Variants in NTM observed in about 807,000 individuals in gnomAD.
The protein encoded by NTM is neurotrimin.
NTM carries 13 observed loss-of-function variants against 42.1 expected under a neutral mutation model. The ratio of observed to expected loss-of-function variants is 0.31; its 90% CI spans 0.20 to 0.49. The LOEUF (loss-of-function observed/expected upper bound fraction) is 0.49. Among genes scored for constraint, NTM ranks in the 20% least tolerant of loss-of-function variants. NTM has a pLI of 0.99. For synonymous variants in NTM, 187 were observed against 179.2 expected, an observed-to-expected ratio of 1.04 and a Z score of -0.35; for missense variants, 373 against 452.8, an observed-to-expected ratio of 0.82 and a Z score of 1.60.
chr11:131,910,047 C>A (rs2054467610), intron 1 of NTM: 1 of 152,204 alleles, frequency 6.6e-6, no homozygotes, highest in Non-Finnish European at 1.5e-5. Flanking sequence ...GTTTCGCACA[C>A]TAAGAGGCTT....
At chr11:131,959,284 G>A (rs916252156) in intron 2 of NTM, among the ~76,000 whole-genome samples, 7 of 152,144 alleles carry the variant, frequency 4.6e-5, no homozygotes, top group Admixed American at 2.0e-4. Flanking sequence ...GTGCCATGGA[G>A]GGAGACACCA....
chr11:132,189,641 TACACACAC>T lies in NTM; in HGVS notation c.401-22361_401-22354del, dbSNP rs35740557. Among the ~76,000 whole-genome samples, 18 of 149,212 alleles carry T rather than the reference TACACACAC, an allele frequency of 1.2e-4. 1 individual carries two copies. The East Asian group carries it at 2.2e-3, about 18-fold the overall frequency. ...GCCTTGCCCACTGATTCACGGCAGA[TACACACAC>T]ACACACACACACACACACAGACACA... On this transcript the variant is annotated intron_variant, in intron 3 of 8. Coordinates refer to ENST00000683400, the MANE Select transcript of NTM (RefSeq NM_001352005.2).
intron 1 of NTM, among the ~76,000 whole-genome samples, chr11:131,656,707 C>G (rs556727105): frequency 6.6e-6 from 1 of 152,224 alleles, no homozygotes; most frequent in South Asian, 2.1e-4. Flanking sequence ...CCTCGTTCTG[C>G]CCCTGCGCGC....
At chr11:131,470,833 G>A (rs1430337431) in intron 1 of NTM, among the ~76,000 whole-genome samples, 1 of 152,156 alleles carries the variant, frequency 6.6e-6, no homozygotes, top group Admixed American at 6.5e-5. Flanking sequence ...CCAGCTTCTG[G>A]GAGCTTTTGT....
chr11:131,795,016 T>G, intron 1 of NTM: 1 of 984,898 alleles, frequency 1.0e-6, no homozygotes, highest in South Asian at 4.7e-5. Flanking sequence ...TCAGCCGTGC[T>G]CCTTCCTGGA....
chr11:132,187,485 C>T (rs1437569510), intron 3 of NTM, among the ~76,000 whole-genome samples: 1 of 152,114 alleles, frequency 6.6e-6, no homozygotes, highest in Non-Finnish European at 1.5e-5. Flanking sequence ...GCTCTAATAG[C>T]CCCAGATTAA....
chr11:132,047,717 T>G (rs1376310105), intron 2 of NTM, among the ~76,000 whole-genome samples: 1 of 152,238 alleles, frequency 6.6e-6, no homozygotes, highest in Non-Finnish European at 1.5e-5. Context: ...TCCACAGGCC[T>G]CCTTCCTCTT....
chr11:131,987,396 ATTCTATTC>A (rs1259298599), intron 2 of NTM, among the ~76,000 whole-genome samples: 2 of 151,086 alleles, frequency 1.3e-5, no homozygotes, highest in Non-Finnish European at 3.0e-5. Flanking sequence ...ATTCTATTCT[ATTCTATTC>A]TATTCTATTC....
At chr11:131,432,836 ATTCT>A (rs1948760777) in intron 1 of NTM, among the ~76,000 whole-genome samples, 2 of 87,390 alleles carry the variant, frequency 2.3e-5, no homozygotes, top group African/African-American at 9.1e-5. Flanking sequence ...AAGATTTAGC[ATTCT>A]TTTTTTTTTT....
At chr11:131,388,950 T>G (rs1276154767) in intron 1 of NTM, among the ~76,000 whole-genome samples, 1 of 142,626 alleles carries the variant, frequency 7.0e-6, no homozygotes, top group African/African-American at 2.6e-5. Context: ...AGGCAGAGGT[T>G]GCAGTGAGAC....
intron 2 of NTM, among the ~76,000 whole-genome samples, chr11:132,129,744 T>A (rs534363695): frequency 3.9e-5 from 6 of 152,252 alleles, no homozygotes; most frequent in Admixed American, 1.3e-4. Context: ...AAAATGGGGC[T>A]CCTAGGACTG....
chr11:131,676,132 G>T (rs903639320), intron 1 of NTM, among the ~76,000 whole-genome samples: 1 of 152,160 alleles, frequency 6.6e-6, no homozygotes, highest in Admixed American at 6.5e-5. Flanking sequence ...TGGATAATTT[G>T]ATTTTTAGCA....
At chr11:131,679,661 C>G (rs182751513) in intron 1 of NTM, among the ~76,000 whole-genome samples, 5 of 151,160 alleles carry the variant, frequency 3.3e-5, no homozygotes, top group African/African-American at 1.2e-4. Flanking sequence ...ATAACTAGTG[C>G]CCCCTAGTAA....
chr11:132,121,353 G>A lies in NTM; in HGVS notation c.168-24929G>A, dbSNP rs1199696931. 3.9e-5 allele frequency among the ~76,000 whole-genome samples: 6 copies of A among 151,958 alleles called. No individual in the cohort carries two copies. In the South Asian group the frequency reaches 1.0e-3, roughly 26 times the overall value. On this transcript the variant is annotated intron_variant, in intron 2 of 8. Transcript: ENST00000683400. ...AAAACAAAATGCATAAAGTTGTACC[G>A]ACTGTAGATACCACAGTATAACAGA...
intron 4 of NTM, among the ~76,000 whole-genome samples, chr11:132,220,415 AG>A (rs2084905047): frequency 1.3e-5 from 2 of 152,220 alleles, no homozygotes; most frequent in African/African-American, 4.8e-5. Context: ...CAGTGTCAAT[AG>A]GGGTTTTTGT....
chr11:132,090,697 C>T (rs202164841), intron 2 of NTM, among the ~76,000 whole-genome samples: 1 of 119,540 alleles, frequency 8.4e-6, no homozygotes, highest in African/African-American at 3.6e-5. Flanking sequence ...CTTTCTTCCC[C>T]TTCTTCCCCA....
At chr11:132,091,756 A>T (rs2060404980) in intron 2 of NTM, among the ~76,000 whole-genome samples, 2 of 152,312 alleles carry the variant, frequency 1.3e-5, no homozygotes, top group South Asian at 4.1e-4. Flanking sequence ...TTCTGGGATT[A>T]CAGCCGTGAG....
intron 7 of NTM, among the ~76,000 whole-genome samples, chr11:132,326,351 A>G (rs983616054): frequency 3.3e-5 from 5 of 152,146 alleles, no homozygotes; most frequent in African/African-American, 7.2e-5. Context: ...GTTTTTAACA[A>G]GAGAGTATTT....
chr11:131,980,888 G>A (rs2065124459), intron 2 of NTM, among the ~76,000 whole-genome samples: 1 of 152,204 alleles, frequency 6.6e-6, no homozygotes. Context: ...GCCTGGCTGT[G>A]CGATAGGGGT....
Sources: gnomAD v4.1 joint callset for allele counts (sites outside exome capture counted in the v4.1 genomes callset) on GRCh38, gnomAD v4.1.1 for gene constraint, MANE v1.5 for transcripts, NCBI Gene and HGNC (gene_info 2026-07-23, HGNC 2026-07-21) for gene names.